The following CSGALNACT1 variants were observed in gnomAD, a reference collection of about 807,000 sequenced individuals.
CSGALNACT1 encodes beta4GalNAcT-1.
Under a neutral mutation model 51.0 loss-of-function variants are expected in CSGALNACT1, and 52 were observed. The observed-to-expected ratio is 1.02, with a 90% CI of 0.82 to 1.29. CSGALNACT1 has a LOEUF of 1.29. CSGALNACT1 is among the 50% of genes most tolerant of loss of function. CSGALNACT1 has a pLI of 0.00. For synonymous variants in CSGALNACT1, 341 were observed against 254.4 expected, an observed-to-expected ratio of 1.34 and a Z score of -3.24; for missense variants, 935 against 679.2, an observed-to-expected ratio of 1.38 and a Z score of -4.19.
At chr8:19,656,676 A>C (rs1169038185) in intron 1 of CSGALNACT1, among the ~76,000 whole-genome samples, 7 of 151,816 alleles carry the variant, frequency 4.6e-5, no homozygotes, top group Non-Finnish European at 1.0e-4. Context: ...AATCATGTCT[A>C]AAAGAAATAA....
Position 19,618,006 on chromosome 8 carries a change from G to A in CSGALNACT1, c.-543-16141C>T, listed in dbSNP as rs149748940. ...GCAATCCTCCCACCTCAGCCCCCAA[G>A]CAGCTAGGATTACAGGCCCTTGCCA... On this transcript the variant is annotated intron_variant, in intron 1 of 9. Transcript: ENST00000332246. 1.0e-3 allele frequency among the ~76,000 whole-genome samples: 154 copies of A among 151,810 alleles called. 3 individuals carry two copies. The East Asian group carries it at 0.028, about 28-fold the overall frequency.
intron 1 of CSGALNACT1, among the ~76,000 whole-genome samples, chr8:19,746,584 G>T (rs2064678769): frequency 6.6e-6 from 1 of 152,148 alleles, no homozygotes; most frequent in Admixed American, 6.5e-5. Flanking sequence ...TCTCAAACCT[G>T]CTATTATTTC....
At chr8:19,636,362 C>T (rs955994828) in intron 1 of CSGALNACT1, among the ~76,000 whole-genome samples, 1 of 152,072 alleles carries the variant, frequency 6.6e-6, no homozygotes, top group Non-Finnish European at 1.5e-5. Flanking sequence ...GGGTTTGGGA[C>T]TATCTGTGGC....
intron 4 of CSGALNACT1, among the ~76,000 whole-genome samples, chr8:19,463,015 C>G (rs1221321502): frequency 2.0e-5 from 3 of 152,194 alleles, no homozygotes; most frequent in Non-Finnish European, 4.4e-5. Flanking sequence ...CTAACGTTCC[C>G]TTCATTGTGC....
At chr8:19,682,323 T>C in intron 1 of CSGALNACT1, 1 of 285,928 alleles carries the variant, frequency 3.5e-6, no homozygotes, top group South Asian at 3.5e-5. Flanking sequence ...GAAGGTCTAA[T>C]CAGAGTGTTT....
chr8:19,646,437 G>A (rs1256112048), intron 1 of CSGALNACT1, among the ~76,000 whole-genome samples: 1 of 152,214 alleles, frequency 6.6e-6, no homozygotes, highest in African/African-American at 2.4e-5. Flanking sequence ...AAGAGATACT[G>A]AAAATCATTT....
At chr8:19,588,548 C>A (rs1327871143) in intron 3 of CSGALNACT1, among the ~76,000 whole-genome samples, 1 of 152,180 alleles carries the variant, frequency 6.6e-6, no homozygotes, top group Non-Finnish European at 1.5e-5. Flanking sequence ...CCCATGCACT[C>A]AATAGACAAA....
chr8:19,439,993 C>A, intron 5 of CSGALNACT1, 62 bp from the exon 5 acceptor site: 1 of 1,371,574 alleles, frequency 7.3e-7, no homozygotes, highest in East Asian at 2.3e-5. Context: ...ACAGCACAAA[C>A]CAATACCTTT....
At chr8:19,520,475 C>T (rs144593660) in intron 3 of CSGALNACT1, among the ~76,000 whole-genome samples, 5 of 152,320 alleles carry the variant, frequency 3.3e-5, no homozygotes, top group Middle Eastern at 3.4e-3. Flanking sequence ...TGGCGCCTGC[C>T]GCCAATCCTA....
chr8:19,508,621 G>T (rs1276929855), intron 3 of CSGALNACT1, among the ~76,000 whole-genome samples: 1 of 152,166 alleles, frequency 6.6e-6, no homozygotes. Context: ...TACCAGTGAA[G>T]ACATGTTATC....
chr8:19,755,485 A>AAAAAAAAC (rs1401368855), intron 1 of CSGALNACT1, among the ~76,000 whole-genome samples: 1 of 149,000 alleles, frequency 6.7e-6, no homozygotes. Context: ...AAAAAAAGAC[A>AAAAAAAAC]ACATTTATGA....
chr8:19,413,909 C>T (rs1384487490), intron 8 of CSGALNACT1, among the ~76,000 whole-genome samples: 3 of 152,142 alleles, frequency 2.0e-5, no homozygotes, highest in African/African-American at 7.2e-5. Flanking sequence ...TACCATGTGC[C>T]AGGTTCTGGG....
At position 19,703,361 on chromosome 8, in the gene CSGALNACT1, C is replaced by T. The variant is rs551482981; in HGVS notation, c.-297+54489G>A. Among the ~76,000 whole-genome samples, 124 of 152,234 alleles carry T rather than the reference C, an allele frequency of 8.1e-4. 1 individual carries two copies. The highest frequency in any genetic ancestry group is 2.7e-3 in the African/African-American group (111 of 41,542). ...CTCTGTCACCCAGGCTAGAGTGCAG[C>T]GGCGGGATCTCAGCTCACTGCAAGC... is the stretch of plus-strand genomic sequence containing the variant. On this transcript the variant is annotated intron_variant, in intron 1 of 1. Coordinates refer to the CSGALNACT1 transcript ENST00000517494.
At chr8:19,610,765 A>C (rs1336392120) in intron 1 of CSGALNACT1, among the ~76,000 whole-genome samples, 1 of 152,204 alleles carries the variant, frequency 6.6e-6, no homozygotes, top group Non-Finnish European at 1.5e-5. Context: ...CAAAGCCCAC[A>C]TGTGATCTGA....
chr8:19,414,437 A>C (rs890679338), intron 8 of CSGALNACT1, among the ~76,000 whole-genome samples: 3 of 152,226 alleles, frequency 2.0e-5, no homozygotes, highest in African/African-American at 7.2e-5. Flanking sequence ...TTCCTTTCTC[A>C]GCGAACTGTT....
At chr8:19,450,017 C>T (rs1218347022) in intron 5 of CSGALNACT1, among the ~76,000 whole-genome samples, 1 of 118,070 alleles carries the variant, frequency 8.5e-6, no homozygotes, top group East Asian at 2.7e-4. Context: ...AGCCGAAAAC[C>T]AAATTTGAGA....
intron 1 of CSGALNACT1, among the ~76,000 whole-genome samples, chr8:19,642,651 A>G (rs2056857828): frequency 6.6e-6 from 1 of 151,924 alleles, no homozygotes. Context: ...GCATGGTGGC[A>G]CACACACACC....
At chr8:19,748,455 A>G (rs12544497) in intron 1 of CSGALNACT1, among the ~76,000 whole-genome samples, 34,844 of 152,114 alleles carry the variant, frequency 0.23, 4,408 homozygotes, top group African/African-American at 0.33. Flanking sequence ...GGCCTAAAGC[A>G]AATATAGCAT....
At position 19,667,032 on chromosome 8, in the gene CSGALNACT1, G is replaced by GA. The variant is rs1564386771; in HGVS notation, c.-544+15440dup. Among the ~76,000 whole-genome samples the GA allele has an allele frequency of 1.0e-3, 29 of 27,796 alleles. 3 individuals carry two copies. Among genetic ancestry groups the GA allele is most frequent in the African/African-American group, 3.9e-3 (16 of 4,108 alleles). The allele number at this position is 27,796 out of a possible 152,430, so 18.2% of individuals were successfully genotyped here. ...GAAAGAAAGAAAGGAAGGAAGGAAG[G>GA]AAGGAAGGAAGAAAGAAAGAAAGAA... On this transcript the variant is annotated intron_variant, in intron 1 of 9. Coordinates refer to the CSGALNACT1 transcript ENST00000332246.
Sources: gnomAD v4.1 joint callset for allele counts (sites outside exome capture counted in the v4.1 genomes callset) on GRCh38, gnomAD v4.1.1 for gene constraint, MANE v1.5 for transcripts, NCBI Gene and HGNC (gene_info 2026-07-23, HGNC 2026-07-21) for gene names.